Variants in SIK2 observed in about 807,000 individuals in gnomAD.
SIK2 encodes salt inducible kinase 2.
Under a neutral mutation model 103.2 loss-of-function variants are expected in SIK2, and 29 were observed. The observed-to-expected ratio is 0.28, with a 90% confidence interval of 0.21 to 0.38. The LOEUF is 0.38. Ranked by LOEUF, SIK2 falls within the 10% of genes least tolerant of loss-of-function variation. The probability of loss-of-function intolerance (pLI) is 1.00; values close to 1 mark genes in which losing one functional copy is unlikely to be tolerated. For missense variants in SIK2, 879 were observed against 1,171.0 expected, an observed-to-expected ratio of 0.75 and a Z score of 3.64; for synonymous variants, 412 against 446.1, an observed-to-expected ratio of 0.92 and a Z score of 0.96.
At chr11:111,671,176 C>A (rs1591609374) in intron 3 of SIK2, 1 of 250,580 alleles carries the variant, frequency 4.0e-6, no homozygotes, top group Non-Finnish European at 7.8e-6. Flanking sequence ...CCTATGGATA[C>A]TCATATTCTG....
Position 111,677,523 on chromosome 11 carries a change from T to G in SIK2, c.317-10478T>G, listed in dbSNP as rs111823683. ...ACCTCCGCCTCCCAGGTTCATGCGA[T>G]TCTCCTACTTCTGCCTCCTGAGTAG... On this transcript the variant is annotated intron_variant, in intron 3 of 14. Coordinates refer to ENST00000304987, the MANE Select transcript of SIK2 (RefSeq NM_015191.3). Among the ~76,000 whole-genome samples the G allele has an allele frequency of 9.5e-3, 1,440 of 152,120 alleles. 34 individuals carry two copies. Among genetic ancestry groups the G allele is most frequent in the African/African-American group, 0.033 (1,356 of 41,496 alleles).
In SIK2 at chr11:111,729,754, T is replaced by A. The variant is rs2136001964; in HGVS notation, c.*5625T>A. 6.6e-6 allele frequency: 1 copy of A among 152,380 alleles called. No individual in the cohort carries two copies. Among genetic ancestry groups the A allele is most frequent in the South Asian group, 2.1e-4 (1 of 4,830 alleles). 9.4% of individuals were successfully genotyped at this position (152,380 alleles called of 1,614,324 possible). ...TTCTCCACTCAACAGCCGCCTGGCT[T>A]TGGGGAAGAGGCCGCCTTCAGGTGA... On this transcript the variant is annotated 3_prime_UTR_variant, in exon 15 of 15. Transcript: ENST00000304987.
intron 4 of SIK2, among the ~76,000 whole-genome samples, chr11:111,699,304 C>T (rs1030417226): frequency 3.9e-5 from 6 of 152,186 alleles, no homozygotes; most frequent in African/African-American, 1.2e-4. Context: ...AACCTTGAAG[C>T]TCCCTCTAAA....
intron 4 of SIK2, among the ~76,000 whole-genome samples, chr11:111,698,358 G>C (rs1943128059): frequency 6.6e-6 from 1 of 152,182 alleles, no homozygotes; most frequent in Non-Finnish European, 1.5e-5. Context: ...TTCTTGACAG[G>C]CCTCTGTCCC....
At chr11:111,611,305 A>G (rs746442395) in intron 1 of SIK2, among the ~76,000 whole-genome samples, 46 of 152,222 alleles carry the variant, frequency 3.0e-4, no homozygotes, top group East Asian at 1.3e-3. Flanking sequence ...ATTTCCTTCA[A>G]ATAACTTCTC....
At chr11:111,661,182 C>T (rs1444860946) in intron 3 of SIK2, among the ~76,000 whole-genome samples, 1 of 152,108 alleles carries the variant, frequency 6.6e-6, no homozygotes, top group Non-Finnish European at 1.5e-5. Context: ...AAGAATAAGA[C>T]TATTTATGCA....
intron 1 of SIK2, among the ~76,000 whole-genome samples, chr11:111,611,678 C>T (rs1467025961): frequency 2.6e-5 from 4 of 151,988 alleles, no homozygotes; most frequent in African/African-American, 9.7e-5. Flanking sequence ...ATTTTTCTGT[C>T]ATATAAATTT....
In SIK2 at chr11:111,724,389, T is replaced by C; in HGVS notation, c.*260T>C. 2 of 508,048 alleles carry C rather than the reference T, an allele frequency of 3.9e-6. No homozygotes were observed. Among genetic ancestry groups the C allele is most frequent in the Non-Finnish European group, 7.1e-6 (2 of 283,184 alleles). The allele number at this position is 508,048 out of a possible 1,614,324, so 31.5% of individuals were successfully genotyped here. A position where few individuals can be genotyped will look rare whatever the true frequency, so the allele number is the denominator to read the frequency against. ...TGCCCTTCGGTCGAGTGGAGCAAGCTCTCGAGGGCAGCACTGACAAATGTG... is the reference window on the plus strand; with the variant it reads ...TGCCCTTCGGTCGAGTGGAGCAAGCCCTCGAGGGCAGCACTGACAAATGTG... On this transcript the variant is annotated 3_prime_UTR_variant, in exon 15 of 15. Transcript: ENST00000304987.
In SIK2 at chr11:111,728,104, C is replaced by A. The variant is rs1222851362; in HGVS notation, c.*3975C>A. On this transcript the variant is annotated 3_prime_UTR_variant, in exon 15 of 15. Transcript: ENST00000304987. ...ACAGTGGCTGACACCGGTGCCAGGG[C>A]TGACCTGCTACACTCAAACTCCTAA... 6.6e-6 allele frequency: 1 copy of A among 152,142 alleles called. No individual in the cohort carries two copies. The highest frequency in any genetic ancestry group is 2.4e-5 in the African/African-American group (1 of 41,414). 9.4% of individuals were successfully genotyped at this position (152,142 alleles called of 1,614,324 possible).
chr11:111,630,725 A>C (rs1391789053), intron 3 of SIK2, among the ~76,000 whole-genome samples: 1 of 152,154 alleles, frequency 6.6e-6, no homozygotes, highest in African/African-American at 2.4e-5. Context: ...CTTGGAATGA[A>C]GTGGGGGTAT....
chr11:111,685,851 A>C (rs1170933094), intron 3 of SIK2, among the ~76,000 whole-genome samples: 2 of 152,146 alleles, frequency 1.3e-5, no homozygotes, highest in African/African-American at 4.8e-5. Flanking sequence ...GGCCCTGACT[A>C]AAAAATAAAT....
chr11:111,669,273 T>C (rs1942591546), intron 3 of SIK2, among the ~76,000 whole-genome samples: 1 of 152,220 alleles, frequency 6.6e-6, no homozygotes, highest in Non-Finnish European at 1.5e-5. Context: ...TGTATATTTA[T>C]TTCTCTCAGA....
intron 4 of SIK2, among the ~76,000 whole-genome samples, chr11:111,700,190 A>G (rs1459485166): frequency 1.3e-5 from 2 of 152,232 alleles, no homozygotes; most frequent in African/African-American, 4.8e-5. Flanking sequence ...TCAAAACTGT[A>G]GAGTCAGTAT....
At chr11:111,646,825 T>C (rs1244966844) in intron 3 of SIK2, among the ~76,000 whole-genome samples, 4 of 152,256 alleles carry the variant, frequency 2.6e-5, no homozygotes, top group Admixed American at 2.6e-4. Context: ...TTGTTGTCTC[T>C]TGTGTGCATT....
rs530289706 is a variant in SIK2 at position 111,713,376 on chromosome 11, G to C, written c.1266+1001G>C. On this transcript the variant is annotated intron_variant, in intron 9 of 14. Transcript: ENST00000304987. ...CAGGTCTTGGAGCGTGTTCAAAATA[G>C]ACCTCCTCTTAGTGTGAACTTGGGC... is the stretch of plus-strand genomic sequence containing the variant. Among the ~76,000 whole-genome samples the C allele has an allele frequency of 1.4e-4, 22 of 152,244 alleles. No homozygotes were observed. The South Asian group carries it at 4.4e-3, about 30-fold the overall frequency.
chr11:111,704,828 T>C (rs1213440827), intron 7 of SIK2, among the ~76,000 whole-genome samples, 159 bp from the exon 8 acceptor site: 1 of 152,210 alleles, frequency 6.6e-6, no homozygotes, highest in Admixed American at 6.5e-5. Context: ...TTTTCTGCCT[T>C]CCAGTCACAT....
intron 3 of SIK2, among the ~76,000 whole-genome samples, chr11:111,639,343 G>A (rs1190677754): frequency 6.6e-6 from 1 of 152,058 alleles, no homozygotes; most frequent in Non-Finnish European, 1.5e-5. Context: ...GGAAACCTTA[G>A]ACTTCTGGAA....
chr11:111,645,619 G>T (rs1444591325), intron 3 of SIK2, among the ~76,000 whole-genome samples: 1 of 152,084 alleles, frequency 6.6e-6, no homozygotes, highest in African/African-American at 2.4e-5. Context: ...TTGGGAGTTC[G>T]AGACCAGCCT....
chr11:111,706,296 A>T (rs1943344332), intron 8 of SIK2, among the ~76,000 whole-genome samples: 1 of 152,162 alleles, frequency 6.6e-6, no homozygotes, highest in Non-Finnish European at 1.5e-5. Flanking sequence ...CTTAGAGATG[A>T]CTCTGTTCTT....
Sources: gnomAD v4.1 joint callset for allele counts (sites outside exome capture counted in the v4.1 genomes callset) on GRCh38, gnomAD v4.1.1 for gene constraint, MANE v1.5 for transcripts, NCBI Gene and HGNC (gene_info 2026-07-23, HGNC 2026-07-21) for gene names.